Variants in SELENOF observed in about 807,000 individuals in gnomAD.
SELENOF encodes the protein 15 kDa selenoprotein.
In SELENOF, 16 loss-of-function variants were observed where a neutral mutation model predicts 20.5. The observed-to-expected ratio is 0.78, with a 90% CI of 0.53 to 1.19. The LOEUF (loss-of-function observed/expected upper bound fraction) is 1.19, where lower values mean the gene tolerates loss of function less well. SELENOF is among the 50% of genes most tolerant of loss of function. The probability of loss-of-function intolerance (pLI) is 0.00; values close to 1 mark genes in which losing one functional copy is unlikely to be tolerated. For synonymous variants in SELENOF, 78 were observed against 74.5 expected (o/e 1.05, Z -0.24); for missense variants, 215 against 194.2 (o/e 1.11, Z -0.64).
At chr1:86,894,719 C>A (rs2102110820) in intron 2 of SELENOF, among the ~76,000 whole-genome samples, 1 of 152,232 alleles carries the variant, frequency 6.6e-6, no homozygotes, top group South Asian at 2.1e-4. Context: ...TGTCAATAAT[C>A]CCAGCTACCT....
At chr1:86,913,813 A>C in intron 1 of SELENOF, 1 of 585,744 alleles carries the variant, frequency 1.7e-6, no homozygotes, top group South Asian at 2.1e-5. Context: ...TACCCAAGAC[A>C]ATCTGAAATC....
chr1:86,894,130 G>C (rs868758772), intron 2 of SELENOF, among the ~76,000 whole-genome samples: 2 of 149,690 alleles, frequency 1.3e-5, no homozygotes, highest in South Asian at 4.2e-4. Flanking sequence ...AGGGGACCAA[G>C]ATGTTCTAAA....
chr1:86,895,914 A>C (rs1320573961), intron 2 of SELENOF, among the ~76,000 whole-genome samples: 1 of 152,180 alleles, frequency 6.6e-6, no homozygotes, highest in Non-Finnish European at 1.5e-5. Flanking sequence ...CTAAAAAAGA[A>C]AAGGTACTAA....
intron 4 of SELENOF, 25 bp from the exon 5 acceptor site, chr1:86,863,630 T>C (rs1557450523): frequency 6.2e-7 from 1 of 1,609,988 alleles, no homozygotes; most frequent in Non-Finnish European, 8.5e-7. Context: ...GACGTCATCA[T>C]TACTTTCTGT....
chr1:86,874,485 T>C lies in SELENOF; in HGVS notation c.316+6177A>G, dbSNP rs74099314. Reference sequence around the variant, plus strand: ...GCTGCCCCCTAGAAGAGCTAAGTTTTGCTATACACACTGCTCAGAATGTCA... The same window carrying C: ...GCTGCCCCCTAGAAGAGCTAAGTTTCGCTATACACACTGCTCAGAATGTCA... On this transcript the variant is annotated intron_variant, in intron 3 of 4. Transcript: ENST00000331835. Among the ~76,000 whole-genome samples, 540 of 152,270 alleles carry C rather than the reference T, an allele frequency of 3.5e-3. 2 individuals carry two copies. Among genetic ancestry groups the C allele is most frequent in the African/African-American group, 0.013 (522 of 41,570 alleles).
At chr1:86,913,245 T>A (rs937493344) in intron 1 of SELENOF, among the ~76,000 whole-genome samples, 2 of 152,026 alleles carry the variant, frequency 1.3e-5, no homozygotes, top group Non-Finnish European at 2.9e-5. Flanking sequence ...TAAGCTAGGA[T>A]AAAAAAACGT....
At chr1:86,898,208 T>C (rs1659574934) in intron 2 of SELENOF, among the ~76,000 whole-genome samples, 1 of 152,154 alleles carries the variant, frequency 6.6e-6, no homozygotes. Flanking sequence ...AAAACAGTAG[T>C]AAAATAACTG....
At chr1:86,891,329 G>A (rs1194117767) in intron 2 of SELENOF, among the ~76,000 whole-genome samples, 1 of 151,740 alleles carries the variant, frequency 6.6e-6, no homozygotes, top group South Asian at 2.1e-4. Flanking sequence ...GATTACAGGT[G>A]TGAGTCACCA....
At chr1:86,866,877 C>A (rs1327321518) in intron 4 of SELENOF, among the ~76,000 whole-genome samples, 1 of 152,218 alleles carries the variant, frequency 6.6e-6, no homozygotes, top group Non-Finnish European at 1.5e-5. Flanking sequence ...ATGATGTCAT[C>A]ACTTTGGAAG....
intron 1 of SELENOF, among the ~76,000 whole-genome samples, chr1:86,910,936 C>T (rs542756709): frequency 6.6e-6 from 1 of 152,298 alleles, no homozygotes; most frequent in East Asian, 1.9e-4. Context: ...TTTCATACTT[C>T]CAGGTTTTCA....
At chr1:86,899,718 G>A (rs1190812462) in intron 2 of SELENOF, among the ~76,000 whole-genome samples, 11 of 151,844 alleles carry the variant, frequency 7.2e-5, no homozygotes, top group African/African-American at 2.7e-4. Flanking sequence ...GGACAGGGCG[G>A]CTGCTGGGCG....
At position 86,885,708 on chromosome 1, in the gene SELENOF, A is replaced by G. The variant is rs12087740; in HGVS notation, c.253-4983T>C. Among the ~76,000 whole-genome samples, 930 of 152,332 alleles carry G rather than the reference A, an allele frequency of 6.1e-3. 10 individuals carry two copies. The highest frequency in any genetic ancestry group is 0.022 in the African/African-American group (895 of 41,582). ...GAGTCAAACTAAATATCAAATTTTC[A>G]TACGGCATGGTATAGTGAAAAGAGT... On this transcript the variant is annotated intron_variant, in intron 2 of 4. Transcript: ENST00000331835.
chr1:86,880,228 C>G (rs1210431714), intron 3 of SELENOF, among the ~76,000 whole-genome samples: 2 of 151,908 alleles, frequency 1.3e-5, no homozygotes, highest in African/African-American at 2.4e-5. Context: ...CTCTGCCTCC[C>G]GGGTTCAAGT....
At chr1:86,866,021 C>A (rs1015632850) in intron 4 of SELENOF, among the ~76,000 whole-genome samples, 6 of 151,512 alleles carry the variant, frequency 4.0e-5, no homozygotes, top group African/African-American at 1.5e-4. Context: ...ATAGCAAGAC[C>A]CTATCTCTAT....
rs1478311340 is a variant in SELENOF, at chr1:86,862,780, C to T, written c.*694G>A. ...TTACAAATGATCACTTTTAAATGGACTTTTCTGTAAGAATGTAAAACTCAA... is the reference window on the plus strand; with the variant it reads ...TTACAAATGATCACTTTTAAATGGATTTTTCTGTAAGAATGTAAAACTCAA... On this transcript the variant is annotated 3_prime_UTR_variant, in exon 5 of 5. Coordinates refer to ENST00000331835, the MANE Select transcript of SELENOF (RefSeq NM_004261.5). The T allele has an allele frequency of 1.3e-5, 2 of 152,206 alleles. No homozygotes were observed. The highest frequency in any genetic ancestry group is 2.4e-5 in the African/African-American group (1 of 41,420). The allele number at this position is 152,206 out of a possible 1,614,324, so 9.4% of individuals were successfully genotyped here.
At chr1:86,874,098 C>T (rs990506434) in intron 3 of SELENOF, among the ~76,000 whole-genome samples, 3 of 149,254 alleles carry the variant, frequency 2.0e-5, no homozygotes, top group Non-Finnish European at 4.5e-5. Context: ...GTGGGTCACA[C>T]AATAAAAAAA....
At chr1:86,888,812 C>T (rs567493539) in intron 2 of SELENOF, among the ~76,000 whole-genome samples, 118 of 152,242 alleles carry the variant, frequency 7.8e-4, no homozygotes, top group Non-Finnish European at 5.7e-4. Flanking sequence ...TACAGGCGTG[C>T]GCCACCACGC....
At chr1:86,907,058 G>T (rs1260067437) in intron 1 of SELENOF, among the ~76,000 whole-genome samples, 1 of 152,194 alleles carries the variant, frequency 6.6e-6, no homozygotes, top group African/African-American at 2.4e-5. Context: ...CTACTGACAG[G>T]TAGCATGACT....
At position 86,914,076 on chromosome 1, in the gene SELENOF, C is replaced by T; in HGVS notation, c.36G>A (p.Leu12=). ...VAMAAGPSGC[L]VPAFGLRLLL... is the part of the protein sequence containing the mutation. The stretch of plus-strand genomic sequence containing the variant: ...ACAACCGTAGCCCAAACGCCGGCAC[C>T]AGACACCCACTCGGCCCAGCCGCCA... The change falls in exon 1 of 5, where the codon CTG becomes CTA. Residue 12 remains leucine, a synonymous_variant. Transcript: ENST00000331835. 1 of 1,614,002 alleles carries T rather than the reference C, an allele frequency of 6.2e-7. No homozygotes were observed. The highest frequency in any genetic ancestry group is 1.3e-5 in the African/African-American group (1 of 75,046).
Sources: allele counts gnomAD v4.1 joint callset (sites outside exome capture counted in the v4.1 genomes callset), GRCh38; gene constraint gnomAD v4.1.1; transcripts MANE v1.5; gene names NCBI Gene and HGNC (gene_info 2026-07-23, HGNC 2026-07-21).